MICU1: variants seen among roughly 807,000 people sequenced by gnomAD.
MICU1 encodes the protein calcium uptake protein 1, mitochondrial.
A neutral mutation model predicts 56.8 loss-of-function variants in MICU1; 45 were observed. The observed-to-expected ratio is 0.79, with a 90% CI of 0.62 to 1.02. The LOEUF is 1.02. Among genes scored for constraint, MICU1 ranks in the 50% least tolerant of loss-of-function variants. The probability of loss-of-function intolerance (pLI) is 0.00; values close to 1 mark genes in which losing one functional copy is unlikely to be tolerated. For synonymous variants in MICU1, 186 were observed against 195.1 expected, an observed-to-expected ratio of 0.95 and a Z score of 0.39; for missense variants, 504 against 587.1, an observed-to-expected ratio of 0.86 and a Z score of 1.46.
chr10:72,615,854 C>A (rs1216190781), intron 1 of MICU1, among the ~76,000 whole-genome samples: 2 of 151,996 alleles, frequency 1.3e-5, no homozygotes, highest in South Asian at 2.1e-4. Flanking sequence ...GCCGGGCGTG[C>A]GGCATGCACC....
intron 10 of MICU1, among the ~76,000 whole-genome samples, chr10:72,388,575 GTA>G (rs1250150972): frequency 2.0e-5 from 3 of 152,038 alleles, no homozygotes; most frequent in Non-Finnish European, 4.4e-5. Flanking sequence ...ACAGACAATT[GTA>G]GGGGAAAAAA....
At chr10:72,583,505 T>G (rs562801035) in intron 1 of MICU1, among the ~76,000 whole-genome samples, 40 of 152,270 alleles carry the variant, frequency 2.6e-4, no homozygotes, top group African/African-American at 9.1e-4. Flanking sequence ...GGTCTTGAAC[T>G]CCTGACCTCA....
chr10:72,414,523 C>T (rs1863921281), intron 9 of MICU1, among the ~76,000 whole-genome samples: 1 of 152,012 alleles, frequency 6.6e-6, no homozygotes, highest in Admixed American at 6.5e-5. Context: ...TTGCCTGGGG[C>T]TAGGGTAGAA....
chr10:72,421,018 ATAAT>A lies in MICU1; in HGVS notation c.1071+2212_1071+2215del, dbSNP rs1162058770. The stretch of plus-strand genomic sequence containing the variant: ...ACTCCGTCTCAAAAAAAAAAAAAAA[ATAAT>A]AATAATAATAATAATAATAAAAAGA... On this transcript the variant is annotated intron_variant, in intron 9 of 11. Coordinates refer to ENST00000361114, the MANE Select transcript of MICU1 (RefSeq NM_001195518.2). Among the ~76,000 whole-genome samples the A allele has an allele frequency of 8.7e-3, 1,110 of 127,856 alleles. 14 individuals carry two copies. The highest frequency in any genetic ancestry group is 0.031 in the African/African-American group (1,064 of 34,654). The allele number at this position is 127,856 out of a possible 152,430, so 83.9% of individuals were successfully genotyped here. A position where few individuals can be genotyped will look rare whatever the true frequency, so the allele number is the denominator to read the frequency against.
intron 5 of MICU1, among the ~76,000 whole-genome samples, chr10:72,517,360 G>A (rs950809323): frequency 8.5e-5 from 13 of 152,218 alleles, no homozygotes; most frequent in South Asian, 2.1e-4. Flanking sequence ...CTGCAAATAC[G>A]TGGAACCAGC....
At chr10:72,424,313 A>C (rs1864277824) in intron 8 of MICU1, among the ~76,000 whole-genome samples, 1 of 152,058 alleles carries the variant, frequency 6.6e-6, no homozygotes, top group Non-Finnish European at 1.5e-5. Flanking sequence ...GGGTTTCACC[A>C]TGTTGGCCAG....
At chr10:72,576,821 G>C (rs944968071) in intron 1 of MICU1, among the ~76,000 whole-genome samples, 18 of 152,190 alleles carry the variant, frequency 1.2e-4, no homozygotes, top group African/African-American at 3.9e-4. Flanking sequence ...AATGTACCTA[G>C]TGACTTTAAG....
rs61864687 is a variant in MICU1 at position 72,397,769 on chromosome 10, C to A, written c.1180+10160G>T. Among the ~76,000 whole-genome samples, 1,505 of 152,160 alleles carry A rather than the reference C, an allele frequency of 9.9e-3. 20 individuals carry two copies. Among genetic ancestry groups the A allele is most frequent in the Non-Finnish European group, 0.014 (949 of 68,002 alleles). On this transcript the variant is annotated intron_variant, in intron 10 of 11. Transcript: ENST00000361114. ...ATATATGCACCCAATACAGGAGCAC[C>A]CAGATTCATAAAGCAAGTCCTTAGA...
chr10:72,506,379 C>T (rs1867252444), intron 6 of MICU1, among the ~76,000 whole-genome samples: 1 of 152,190 alleles, frequency 6.6e-6, no homozygotes, highest in African/African-American at 2.4e-5. Flanking sequence ...ACATTTGCTA[C>T]AACTACTTAC....
intron 8 of MICU1, among the ~76,000 whole-genome samples, chr10:72,465,701 A>G (rs1420310643): frequency 6.6e-6 from 1 of 151,596 alleles, no homozygotes; most frequent in African/African-American, 2.4e-5. Flanking sequence ...CTTAGTAAAG[A>G]CAGGGTTACA....
At chr10:72,605,888 T>C (rs1398635213) in intron 1 of MICU1, among the ~76,000 whole-genome samples, 1 of 151,984 alleles carries the variant, frequency 6.6e-6, no homozygotes, top group Non-Finnish European at 1.5e-5. Flanking sequence ...CCCAGAACTT[T>C]AGGAGGCCAA....
At chr10:72,452,671 G>A (rs938975278) in intron 8 of MICU1, among the ~76,000 whole-genome samples, 4 of 152,186 alleles carry the variant, frequency 2.6e-5, no homozygotes, top group Non-Finnish European at 5.9e-5. Flanking sequence ...AGGCTGTCTA[G>A]GTTTGTGTAA....
chr10:72,430,248 A>T (rs1033788242), intron 8 of MICU1, among the ~76,000 whole-genome samples: 14 of 152,170 alleles, frequency 9.2e-5, no homozygotes, highest in African/African-American at 2.4e-4. Flanking sequence ...GGCAAGATTT[A>T]AAAAAATGGT....
chr10:72,624,790 C>T (rs1396413565), intron 1 of MICU1, among the ~76,000 whole-genome samples: 5 of 152,112 alleles, frequency 3.3e-5, no homozygotes, highest in African/African-American at 1.2e-4. Flanking sequence ...CAATCAGGGA[C>T]AAACCAAGGA....
intron 10 of MICU1, among the ~76,000 whole-genome samples, chr10:72,382,480 G>A (rs1237739411): frequency 1.3e-5 from 2 of 152,102 alleles, no homozygotes. Context: ...GTGGGTTGGG[G>A]GTTTCTGTTT....
intron 1 of MICU1, among the ~76,000 whole-genome samples, chr10:72,617,818 C>T (rs1370645806): frequency 6.6e-6 from 1 of 151,942 alleles, no homozygotes; most frequent in Non-Finnish European, 1.5e-5. Flanking sequence ...GGTGACAGCA[C>T]GAGACCCCAA....
At chr10:72,550,017 A>G (rs1358629317) in intron 4 of MICU1, among the ~76,000 whole-genome samples, 1 of 151,740 alleles carries the variant, frequency 6.6e-6, no homozygotes, top group East Asian at 1.9e-4. Context: ...GTTTTGGTCA[A>G]CAAAGGACTG....
intron 5 of MICU1, among the ~76,000 whole-genome samples, chr10:72,531,902 C>A (rs537224322): frequency 1.4e-5 from 2 of 145,548 alleles, no homozygotes; most frequent in East Asian, 4.1e-4. Flanking sequence ...TTTTTTAGTC[C>A]TTTATCTTTT....
chr10:72,516,267 C>G (rs1396158892), intron 5 of MICU1, among the ~76,000 whole-genome samples: 1 of 152,120 alleles, frequency 6.6e-6, no homozygotes, highest in East Asian at 1.9e-4. Context: ...TATCGTTCAT[C>G]TACTTTTTGT....
Sources: gnomAD v4.1 joint callset for allele counts (sites outside exome capture counted in the v4.1 genomes callset) on GRCh38, gnomAD v4.1.1 for gene constraint, MANE v1.5 for transcripts, NCBI Gene and HGNC (gene_info 2026-07-23, HGNC 2026-07-21) for gene names.